EIPR1: variants seen among roughly 807,000 people sequenced by gnomAD.
EIPR1 encodes the protein EARP and GARP complex-interacting protein 1.
In EIPR1, 25 loss-of-function variants were observed where a neutral mutation model predicts 48.1. The observed-to-expected ratio is 0.52, with a 90% CI of 0.38 to 0.73. EIPR1 has a LOEUF of 0.73. Among genes scored for constraint, EIPR1 ranks in the 30% least tolerant of loss-of-function variants. The pLI, the probability that EIPR1 is intolerant of heterozygous loss-of-function variation, is 0.00. For missense variants in EIPR1, 415 were observed against 506.2 expected (o/e 0.82, Z 1.73); for synonymous variants, 204 against 201.9 (o/e 1.01, Z -0.09).
chr2:3,319,942 G>A (rs1572438622), intron 3 of EIPR1: 1 of 129,918 alleles, frequency 7.7e-6, no homozygotes, highest in Admixed American at 8.9e-5. Flanking sequence ...TGCACCTGCG[G>A]GCAACACCAC....
At position 3,197,002 on chromosome 2, in the gene EIPR1, A is replaced by T; in HGVS notation, c.532T>A (p.Ser178Thr). Reference sequence around the variant, plus strand: ...TTCAGTTGTCCCTTCCCTTCCAGGGACGCTGAGCTGGCCAGCTGGGAGTGT... The same window carrying T: ...TTCAGTTGTCCCTTCCCTTCCAGGGTCGCTGAGCTGGCCAGCTGGGAGTGT... ...SSQAVLASSA[S>T]LEGKGQLKFT... The change falls in exon 6 of 9, where the codon TCC becomes ACC. Residue 178 changes from serine to threonine, a missense_variant. Physicochemically the swap from Ser to Thr is moderately conservative, Grantham distance 58 (BLOSUM62 1). Transcript: ENST00000382125. 1 of 1,613,854 alleles carries T rather than the reference A, an allele frequency of 6.2e-7. No individual in the cohort carries two copies. The highest frequency in any genetic ancestry group is 8.5e-7 in the Non-Finnish European group (1 of 1,180,014).
intron 3 of EIPR1, among the ~76,000 whole-genome samples, chr2:3,282,180 C>T (rs1193386072): frequency 1.3e-5 from 2 of 152,216 alleles, no homozygotes; most frequent in Admixed American, 1.3e-4. Context: ...AAGTCAGCTC[C>T]CTGCTGGGTT....
chr2:3,329,163 C>T (rs113379655), intron 3 of EIPR1, among the ~76,000 whole-genome samples: 18 of 114,190 alleles, frequency 1.6e-4, no homozygotes, highest in African/African-American at 4.6e-4. Flanking sequence ...AGCCCACCCA[C>T]CAGGCTCTAA....
intron 3 of EIPR1, chr2:3,298,358 C>T (rs1385680415): frequency 6.6e-6 from 1 of 152,166 alleles, no homozygotes; most frequent in Non-Finnish European, 1.5e-5. Context: ...TAGATACTGC[C>T]GTTTTATTGA....
At chr2:3,362,571 T>A (rs529467792) in intron 1 of EIPR1, among the ~76,000 whole-genome samples, 3 of 149,224 alleles carry the variant, frequency 2.0e-5, no homozygotes, top group East Asian at 2.0e-4. Context: ...TGTCAGACTC[T>A]GGGAAATCAC....
intron 3 of EIPR1, chr2:3,298,291 C>G (rs1191620339): frequency 6.6e-6 from 1 of 152,152 alleles, no homozygotes; most frequent in East Asian, 1.9e-4. Context: ...TTCCTTGTCA[C>G]TTGTGAAAAT....
At chr2:3,241,329 A>G (rs1369007598) in intron 4 of EIPR1, among the ~76,000 whole-genome samples, 5 of 152,238 alleles carry the variant, frequency 3.3e-5, no homozygotes, top group African/African-American at 1.2e-4. Flanking sequence ...CCTTTATCGT[A>G]TCTTTCACTA....
At chr2:3,202,152 T>C (rs1430685153) in intron 5 of EIPR1, among the ~76,000 whole-genome samples, 2 of 152,180 alleles carry the variant, frequency 1.3e-5, no homozygotes, top group East Asian at 1.9e-4. Context: ...TTAGCCAGGA[T>C]GGTCTCGATC....
intron 1 of EIPR1, among the ~76,000 whole-genome samples, chr2:3,376,552 G>A (rs1288770724): frequency 2.0e-5 from 3 of 152,074 alleles, no homozygotes; most frequent in East Asian, 1.9e-4. Context: ...TTAGTCGGGC[G>A]TGGTGGCGGG....
At chr2:3,217,756 A>T (rs1461689866) in intron 4 of EIPR1, among the ~76,000 whole-genome samples, 2 of 152,130 alleles carry the variant, frequency 1.3e-5, no homozygotes, top group African/African-American at 2.4e-5. Context: ...GGCTGCAACC[A>T]GCAAGACCCC....
chr2:3,358,485 T>C (rs1186563772), intron 1 of EIPR1, among the ~76,000 whole-genome samples: 1 of 152,044 alleles, frequency 6.6e-6, no homozygotes, highest in African/African-American at 2.4e-5. Flanking sequence ...CTGGAGAAAA[T>C]ATCTGTGTGA....
chr2:3,357,770 T>G (rs1464509051), intron 1 of EIPR1, among the ~76,000 whole-genome samples: 2 of 152,166 alleles, frequency 1.3e-5, no homozygotes, highest in African/African-American at 4.8e-5. Context: ...CATTGTTCAA[T>G]TAAACTCCTT....
At chr2:3,339,522 CCA>C (rs1670166633) in intron 2 of EIPR1, among the ~76,000 whole-genome samples, 1 of 152,130 alleles carries the variant, frequency 6.6e-6, no homozygotes, top group African/African-American at 2.4e-5. Flanking sequence ...AATTGTAATC[CCA>C]GTGTCGGACG....
At chr2:3,212,413 A>G (rs980132602) in intron 5 of EIPR1, among the ~76,000 whole-genome samples, 1 of 152,146 alleles carries the variant, frequency 6.6e-6, no homozygotes, top group East Asian at 1.9e-4. Flanking sequence ...CCACACCAGG[A>G]GCTGGGCCCT....
At chr2:3,342,679 T>C (rs1239884118) in intron 2 of EIPR1, among the ~76,000 whole-genome samples, 1 of 152,180 alleles carries the variant, frequency 6.6e-6, no homozygotes, top group African/African-American at 2.4e-5. Context: ...GATGCACGCA[T>C]CTCCTCTAGG....
chr2:3,336,888 G>A (rs1362716701), intron 3 of EIPR1, among the ~76,000 whole-genome samples: 17 of 64,628 alleles, frequency 2.6e-4, no homozygotes, highest in Non-Finnish European at 4.4e-4. Flanking sequence ...AAGGGAAAAG[G>A]GAAGGGAAGG....
intron 2 of EIPR1, among the ~76,000 whole-genome samples, chr2:3,345,372 G>A (rs887064370): frequency 2.6e-5 from 4 of 151,070 alleles, no homozygotes; most frequent in African/African-American, 9.7e-5. Flanking sequence ...CTTTGGGACT[G>A]TGGATCACCT....
chr2:3,374,446 T>C (rs2103396815), intron 1 of EIPR1, among the ~76,000 whole-genome samples: 1 of 151,822 alleles, frequency 6.6e-6, no homozygotes, highest in East Asian at 1.9e-4. Flanking sequence ...ACAGGCAACC[T>C]ACAAAATGGG....
chr2:3,190,500 G>C (rs1479881323), intron 8 of EIPR1, among the ~76,000 whole-genome samples: 1 of 152,174 alleles, frequency 6.6e-6, no homozygotes, highest in African/African-American at 2.4e-5. Flanking sequence ...ATGGTTTCCT[G>C]AATGCAGCAG....
Sources: gnomAD v4.1 joint callset for allele counts (sites outside exome capture counted in the v4.1 genomes callset) on GRCh38, gnomAD v4.1.1 for gene constraint, MANE v1.5 for transcripts, NCBI Gene and HGNC (gene_info 2026-07-23, HGNC 2026-07-21) for gene names.